Variants in MACROD2 observed in about 807,000 individuals in gnomAD.
MACROD2 encodes ADP-ribose glycohydrolase MACROD2.
MACROD2 carries 36 observed loss-of-function variants against 70.4 expected under a neutral mutation model. The ratio of observed to expected loss-of-function variants is 0.51; its 90% CI spans 0.39 to 0.68. The LOEUF is 0.68. Ranked by LOEUF, MACROD2 falls within the 30% of genes least tolerant of loss-of-function variation. The pLI, the probability that MACROD2 is intolerant of heterozygous loss-of-function variation, is 0.00. For missense variants in MACROD2, 496 were observed against 538.4 expected (o/e 0.92, Z 0.78); for synonymous variants, 172 against 178.8 (o/e 0.96, Z 0.30).
intron 7 of MACROD2, among the ~76,000 whole-genome samples, chr20:15,485,643 T>C (rs745668980): frequency 1.3e-5 from 2 of 152,198 alleles, no homozygotes; most frequent in Non-Finnish European, 2.9e-5. Flanking sequence ...AAAATGCAGT[T>C]TTCCTCCTTT....
chr20:16,036,006 G>A (rs1230113664), intron 15 of MACROD2, among the ~76,000 whole-genome samples: 1 of 151,998 alleles, frequency 6.6e-6, no homozygotes, highest in African/African-American at 2.4e-5. Context: ...TGGCAGGTAG[G>A]AAGGAAACAT....
At chr20:14,970,943 A>T (rs57812391) in intron 5 of MACROD2, among the ~76,000 whole-genome samples, 3,344 of 152,214 alleles carry the variant, frequency 0.022, 132 homozygotes, top group African/African-American at 0.075. Flanking sequence ...AAACACTCTG[A>T]ATCACTCTTA....
chr20:15,915,268 T>C (rs1281058235), intron 10 of MACROD2, among the ~76,000 whole-genome samples: 1 of 152,062 alleles, frequency 6.6e-6, no homozygotes, highest in Non-Finnish European at 1.5e-5. Context: ...CCCTGGCAAT[T>C]AGCCCCACCC....
At chr20:15,643,925 A>G (rs903356059) in intron 8 of MACROD2, among the ~76,000 whole-genome samples, 2 of 152,216 alleles carry the variant, frequency 1.3e-5, no homozygotes, top group Admixed American at 1.3e-4. Flanking sequence ...GGGTCCAGCC[A>G]TCACTTCTGT....
intron 5 of MACROD2, among the ~76,000 whole-genome samples, chr20:14,861,875 C>T (rs1170076955): frequency 7.0e-6 from 1 of 142,252 alleles, no homozygotes; most frequent in East Asian, 2.1e-4. Context: ...CCAAGGTCCA[C>T]TGGGATGTAC....
At chr20:14,958,566 C>T (rs2074557114) in intron 5 of MACROD2, among the ~76,000 whole-genome samples, 1 of 152,188 alleles carries the variant, frequency 6.6e-6, no homozygotes, top group South Asian at 2.1e-4. Context: ...TTTGGCACTG[C>T]ATTCACCCTT....
chr20:15,469,086 T>C (rs774170187), intron 7 of MACROD2, among the ~76,000 whole-genome samples: 6 of 152,196 alleles, frequency 3.9e-5, no homozygotes, highest in Non-Finnish European at 8.8e-5. Flanking sequence ...CAACCACTGA[T>C]TGACAGCTAT....
intron 6 of MACROD2, among the ~76,000 whole-genome samples, chr20:15,313,013 A>G (rs2077769928): frequency 1.3e-5 from 2 of 152,178 alleles, no homozygotes; most frequent in African/African-American, 4.8e-5. Context: ...TTGTATTTAT[A>G]CACATTTATA....
chr20:15,733,052 T>C (rs1222227617), intron 8 of MACROD2, among the ~76,000 whole-genome samples: 1 of 152,170 alleles, frequency 6.6e-6, no homozygotes. Flanking sequence ...TTTGGCAGAG[T>C]ATGTTTTTCA....
At chr20:14,958,808 A>G (rs2074559313) in intron 5 of MACROD2, among the ~76,000 whole-genome samples, 1 of 152,136 alleles carries the variant, frequency 6.6e-6, no homozygotes, top group Non-Finnish European at 1.5e-5. Flanking sequence ...TAAAACACAG[A>G]TAACTGGGCC....
intron 5 of MACROD2, among the ~76,000 whole-genome samples, chr20:14,816,677 G>T (rs1048904495): frequency 6.6e-6 from 1 of 151,898 alleles, no homozygotes; most frequent in African/African-American, 2.4e-5. Flanking sequence ...TGACACTAAT[G>T]TTAAGAATGG....
At chr20:14,332,080 A>C (rs2082852751) in intron 3 of MACROD2, among the ~76,000 whole-genome samples, 1 of 152,180 alleles carries the variant, frequency 6.6e-6, no homozygotes, top group African/African-American at 2.4e-5. Context: ...ATCATTATTT[A>C]ACTATAAAAC....
At chr20:14,757,979 G>T in intron 5 of MACROD2, 1 of 852,246 alleles carries the variant, frequency 1.2e-6, no homozygotes, top group South Asian at 1.3e-5. Context: ...CAAGAAAGCC[G>T]AGGCTGGGAC....
chr20:14,950,679 C>G (rs1281860225), intron 5 of MACROD2, among the ~76,000 whole-genome samples: 1 of 152,132 alleles, frequency 6.6e-6, no homozygotes, highest in African/African-American at 2.4e-5. Context: ...TATTCCTGGA[C>G]TGCATCTTGG....
intron 6 of MACROD2, among the ~76,000 whole-genome samples, chr20:15,250,544 A>G (rs907869153): frequency 3.3e-5 from 5 of 152,234 alleles, no homozygotes; most frequent in Non-Finnish European, 7.3e-5. Flanking sequence ...ATTGAGAAAA[A>G]TGTAAGAATG....
chr20:14,690,773 T>C (rs942343947), intron 5 of MACROD2, among the ~76,000 whole-genome samples: 1 of 152,198 alleles, frequency 6.6e-6, no homozygotes, highest in Non-Finnish European at 1.5e-5. Flanking sequence ...TTTGTTTACA[T>C]ATTGTCTATG....
At chr20:15,893,410 C>T (rs1488823724) in intron 10 of MACROD2, among the ~76,000 whole-genome samples, 4 of 152,222 alleles carry the variant, frequency 2.6e-5, no homozygotes, top group African/African-American at 9.6e-5. Flanking sequence ...TTTCCAGATT[C>T]GGACCTCAAC....
At chr20:14,007,674 T>A (rs1214545053) in intron 2 of MACROD2, among the ~76,000 whole-genome samples, 1 of 152,196 alleles carries the variant, frequency 6.6e-6, no homozygotes, top group Non-Finnish European at 1.5e-5. Context: ...AGTTATGCCT[T>A]CTGTTAATCT....
chr20:15,506,855 GCT>G (rs1475039340), intron 8 of MACROD2, among the ~76,000 whole-genome samples: 1 of 152,154 alleles, frequency 6.6e-6, no homozygotes, highest in Admixed American at 6.5e-5. Context: ...AATGCTCCGT[GCT>G]CTCTCTCAGG....
Sources: gnomAD v4.1 joint callset for allele counts (sites outside exome capture counted in the v4.1 genomes callset) on GRCh38, gnomAD v4.1.1 for gene constraint, MANE v1.5 for transcripts, NCBI Gene and HGNC (gene_info 2026-07-23, HGNC 2026-07-21) for gene names.